Variants in PAK5 observed in about 807,000 individuals in gnomAD.
PAK5 encodes serine/threonine-protein kinase PAK 5.
A neutral mutation model predicts 65.9 loss-of-function variants in PAK5; 16 were observed. That is an observed-to-expected ratio of 0.24 (90% CI 0.16 to 0.37). PAK5 has a LOEUF of 0.37. Ranked by LOEUF, PAK5 falls within the 10% of genes least tolerant of loss-of-function variation. The pLI is 1.00. For synonymous variants in PAK5, 371 were observed against 354.9 expected, an observed-to-expected ratio of 1.05 and a Z score of -0.51; for missense variants, 785 against 903.9, an observed-to-expected ratio of 0.87 and a Z score of 1.69.
intron 1 of PAK5, among the ~76,000 whole-genome samples, chr20:9,782,635 C>T (rs1189074156): frequency 6.6e-6 from 1 of 152,156 alleles, no homozygotes; most frequent in Non-Finnish European, 1.5e-5. Flanking sequence ...TGACTTCTGA[C>T]TCCATTCTCC....
rs891291086 is a variant in PAK5 at position 9,765,443 on chromosome 20, A to T, written c.-161-54008T>A. Among the ~76,000 whole-genome samples the T allele has an allele frequency of 9.4e-5, 14 of 149,214 alleles. 1 individual carries two copies. The East Asian group carries it at 1.2e-3, about 13-fold the overall frequency. On this transcript the variant is annotated intron_variant, in intron 1 of 9. Transcript: ENST00000353224. ...CATTTCCTATCCCTCCCTAGCCTCC[A>T]TTTTTTTTTTCTGGCAGAGCCAAAT... is the stretch of plus-strand genomic sequence containing the variant.
At chr20:9,808,082 C>T (rs1359989981) in intron 1 of PAK5, among the ~76,000 whole-genome samples, 1 of 152,118 alleles carries the variant, frequency 6.6e-6, no homozygotes, top group East Asian at 1.9e-4. Flanking sequence ...GAGGTGTGTT[C>T]AGACAACTGA....
At chr20:9,540,903 A>G (rs1365966076) in intron 9 of PAK5, among the ~76,000 whole-genome samples, 1 of 151,844 alleles carries the variant, frequency 6.6e-6, no homozygotes, top group Non-Finnish European at 1.5e-5. Context: ...TGCTTGGCTA[A>G]TTTTTTGTAT....
intron 2 of PAK5, among the ~76,000 whole-genome samples, chr20:9,660,815 A>G (rs2047335364): frequency 1.3e-5 from 2 of 152,114 alleles, no homozygotes; most frequent in South Asian, 4.1e-4. Context: ...TGTGAACCTG[A>G]AGAAGGGTAA....
chr20:9,787,361 C>T (rs2049003214), intron 1 of PAK5, among the ~76,000 whole-genome samples: 2 of 152,144 alleles, frequency 1.3e-5, no homozygotes, highest in Admixed American at 1.3e-4. Context: ...GCACTGGTGG[C>T]ACCCTGTGCC....
At chr20:9,676,311 C>CT (rs1465479041) in intron 2 of PAK5, among the ~76,000 whole-genome samples, 1 of 151,786 alleles carries the variant, frequency 6.6e-6, no homozygotes, top group African/African-American at 2.4e-5. Flanking sequence ...TATCAAACTG[C>CT]TTTAGGCAAT....
intron 1 of PAK5, among the ~76,000 whole-genome samples, chr20:9,826,637 G>A (rs2049487801): frequency 6.6e-6 from 1 of 152,026 alleles, no homozygotes; most frequent in Non-Finnish European, 1.5e-5. Context: ...AAAGCCCTTG[G>A]GACTCACCCT....
intron 2 of PAK5, among the ~76,000 whole-genome samples, chr20:9,700,626 A>T (rs868555580): frequency 1.3e-5 from 2 of 152,204 alleles, no homozygotes; most frequent in Non-Finnish European, 2.9e-5. Flanking sequence ...TAAAGTATCC[A>T]CTAGGCTGTT....
At chr20:9,833,986 G>A (rs1192168753) in intron 1 of PAK5, among the ~76,000 whole-genome samples, 3 of 151,980 alleles carry the variant, frequency 2.0e-5, no homozygotes, top group Non-Finnish European at 4.4e-5. Flanking sequence ...GGCATTTTGG[G>A]TGGCCATCAA....
intron 3 of PAK5, among the ~76,000 whole-genome samples, chr20:9,591,544 C>T (rs2046170947): frequency 6.6e-6 from 1 of 151,908 alleles, no homozygotes; most frequent in Non-Finnish European, 1.5e-5. Flanking sequence ...AAATAATTAG[C>T]CTTTAAAGCA....
intron 1 of PAK5, among the ~76,000 whole-genome samples, chr20:9,795,308 A>G (rs897000263): frequency 1.3e-5 from 2 of 152,134 alleles, no homozygotes; most frequent in African/African-American, 4.8e-5. Flanking sequence ...TTATTTTTCC[A>G]TTAAATTGAA....
intron 5 of PAK5, 92 bp downstream of exon 5, chr20:9,565,801 T>C: frequency 7.7e-7 from 1 of 1,303,758 alleles, no homozygotes; most frequent in Non-Finnish European, 1.1e-6. Context: ...TCAGTGCTTT[T>C]CTAATGTCCT....
At chr20:9,771,392 A>G (rs1209202420) in intron 1 of PAK5, among the ~76,000 whole-genome samples, 1 of 151,210 alleles carries the variant, frequency 6.6e-6, no homozygotes, top group East Asian at 1.9e-4. Flanking sequence ...AAGAAAGAGC[A>G]GATCTATAAT....
intron 1 of PAK5, among the ~76,000 whole-genome samples, chr20:9,739,202 A>T (rs2048423684): frequency 6.6e-6 from 1 of 150,822 alleles, no homozygotes; most frequent in South Asian, 2.1e-4. Context: ...CTGCAGTTGA[A>T]TCAACACAAG....
Position 9,601,742 on chromosome 20 carries a change from C to T in PAK5, c.205-20812G>A, listed in dbSNP as rs115665247. 1.8e-4 allele frequency among the ~76,000 whole-genome samples: 27 copies of T among 152,092 alleles called. No homozygotes were observed. In the South Asian group the frequency reaches 4.2e-3, roughly 23 times the overall value. On this transcript the variant is annotated intron_variant, in intron 3 of 9. Coordinates refer to ENST00000353224, the MANE Select transcript of PAK5 (RefSeq NM_177990.4). ...CAAAAGCAGAGGCTATTATATATAT[C>T]GACTGGTTCCTTGAGTCTTTGCCAT...
intron 8 of PAK5, 28 bp downstream of exon 8, chr20:9,544,341 G>A (rs532234868): frequency 9.3e-6 from 15 of 1,609,550 alleles, no homozygotes; most frequent in South Asian, 1.1e-5. Context: ...CCCCAGTCCT[G>A]CCACGCCTAT....
intron 3 of PAK5, among the ~76,000 whole-genome samples, chr20:9,599,675 G>A (rs929393032): frequency 6.6e-6 from 1 of 151,904 alleles, no homozygotes; most frequent in Admixed American, 6.6e-5. Flanking sequence ...ATCTAGCTAT[G>A]TCTTTTGCTT....
intron 3 of PAK5, among the ~76,000 whole-genome samples, chr20:9,630,585 A>G (rs940560325): frequency 2.6e-5 from 4 of 152,356 alleles, no homozygotes; most frequent in Middle Eastern, 6.8e-3. Flanking sequence ...CCTGAAAGGG[A>G]CAAAGAGAGT....
At chr20:9,656,994 G>A (rs903291355) in intron 2 of PAK5, among the ~76,000 whole-genome samples, 6 of 152,112 alleles carry the variant, frequency 3.9e-5, no homozygotes, top group African/African-American at 1.4e-4. Context: ...ACCATATCAA[G>A]ACCAGGACTT....
Sources: gnomAD v4.1 joint callset for allele counts (sites outside exome capture counted in the v4.1 genomes callset) on GRCh38, gnomAD v4.1.1 for gene constraint, MANE v1.5 for transcripts, NCBI Gene and HGNC (gene_info 2026-07-23, HGNC 2026-07-21) for gene names.